GSK3B: variants seen among roughly 807,000 people sequenced by gnomAD.
GSK3B encodes glycogen synthase kinase 3 beta, also known as glycogen synthase kinase-3 beta.
A neutral mutation model predicts 56.4 loss-of-function variants in GSK3B; 15 were observed. The ratio of observed to expected loss-of-function variants is 0.27; its 90% CI spans 0.18 to 0.41. GSK3B has a LOEUF of 0.41. Among genes scored for constraint, GSK3B ranks in the 10% least tolerant of loss-of-function variants. The probability of loss-of-function intolerance (pLI) is 1.00; values close to 1 mark genes in which losing one functional copy is unlikely to be tolerated. For synonymous variants in GSK3B, 181 were observed against 188.9 expected (o/e 0.96, Z 0.34); for missense variants, 300 against 513.4 (o/e 0.58, Z 4.02).
chr3:119,830,786 A>T (rs78156708), intron 10 of GSK3B, among the ~76,000 whole-genome samples: 523 of 152,334 alleles, frequency 3.4e-3, no homozygotes, highest in Non-Finnish European at 5.7e-3. Context: ...GTGATTTTGG[A>T]ACACGTTATT....
In GSK3B at chr3:119,873,288, T is replaced by C. The variant is rs1236853020; in HGVS notation, c.909+3125A>G. 3.3e-5 allele frequency among the ~76,000 whole-genome samples: 5 copies of C among 152,138 alleles called. No individual in the cohort carries two copies. The East Asian group carries it at 9.6e-4, about 29-fold the overall frequency. On this transcript the variant is annotated intron_variant, in intron 8 of 10. Coordinates refer to ENST00000264235, the MANE Select transcript of GSK3B (RefSeq NM_001146156.2). ...ACACCTGTATCCCCTTACCTCAATG[T>C]TTCCACAAAAGACATTTTCTCTTTT...
intron 1 of GSK3B, among the ~76,000 whole-genome samples, chr3:120,084,888 T>G (rs923667281): frequency 3.3e-5 from 5 of 152,164 alleles, no homozygotes; most frequent in African/African-American, 1.2e-4. Flanking sequence ...TTTTCTAGAG[T>G]TACTGATTTA....
chr3:120,084,030 A>T (rs2058443616), intron 1 of GSK3B, among the ~76,000 whole-genome samples: 1 of 152,192 alleles, frequency 6.6e-6, no homozygotes, highest in African/African-American at 2.4e-5. Flanking sequence ...TGAAATGATA[A>T]AAGTGCTCTA....
intron 2 of GSK3B, among the ~76,000 whole-genome samples, chr3:119,957,814 C>G (rs752134177): frequency 1.6e-4 from 25 of 152,170 alleles, no homozygotes; most frequent in Non-Finnish European, 3.1e-4. Context: ...ATTCCATGCT[C>G]TATCACAATG....
chr3:120,063,337 A>C (rs1483441879), intron 1 of GSK3B, among the ~76,000 whole-genome samples: 2 of 152,226 alleles, frequency 1.3e-5, no homozygotes, highest in African/African-American at 4.8e-5. Flanking sequence ...AATATTTTAA[A>C]GTTTAAGTGC....
At position 119,980,056 on chromosome 3, in the gene GSK3B, T is replaced by C. The variant is rs535613540; in HGVS notation, c.282+21990A>G. Among the ~76,000 whole-genome samples, 6 of 152,290 alleles carry C rather than the reference T, an allele frequency of 3.9e-5. 1 individual carries two copies. Among genetic ancestry groups the C allele is most frequent in the South Asian group, 2.1e-4 (1 of 4,828 alleles). ...TCTGTGTGGCTATATATGTGTTGTC[T>C]GTGCAATGTCTATTAAAAGAGCTCT... On this transcript the variant is annotated intron_variant, in intron 2 of 10. Transcript: ENST00000264235.
At position 119,823,363 on chromosome 3, in the gene GSK3B, T is replaced by C. The variant is rs2055444768; in HGVS notation, c.*3425A>G. ...CCCTTGTTAAAACAACAGTCCTCTA[T>C]TGGCACGGTGGCACTCCGTGCAGTA... is the stretch of plus-strand genomic sequence containing the variant. On this transcript the variant is annotated 3_prime_UTR_variant, in exon 11 of 11. Transcript: ENST00000264235. The C allele has an allele frequency of 4.9e-6, 1 of 203,206 alleles. No individual in the cohort carries two copies. Among genetic ancestry groups the C allele is most frequent in the Non-Finnish European group, 1.0e-5 (1 of 99,064 alleles). 12.6% of individuals were successfully genotyped at this position (203,206 alleles called of 1,614,324 possible).
intron 10 of GSK3B, among the ~76,000 whole-genome samples, chr3:119,828,586 A>G (rs1324301540): frequency 2.0e-5 from 3 of 152,202 alleles, no homozygotes; most frequent in Admixed American, 1.3e-4. Context: ...GAGTAGAATA[A>G]CCAATGTCAT....
At chr3:120,068,702 A>T (rs937243843) in intron 1 of GSK3B, among the ~76,000 whole-genome samples, 1 of 151,782 alleles carries the variant, frequency 6.6e-6, no homozygotes, top group African/African-American at 2.4e-5. Context: ...CCTGTCTCAA[A>T]AAATAAATAA....
chr3:120,034,872 G>T (rs1408105563), intron 1 of GSK3B, among the ~76,000 whole-genome samples: 2 of 152,086 alleles, frequency 1.3e-5, no homozygotes, highest in Non-Finnish European at 1.5e-5. Flanking sequence ...GCCAAGTAGG[G>T]CAGATCACTT....
At chr3:120,017,380 G>C (rs1228944502) in intron 1 of GSK3B, among the ~76,000 whole-genome samples, 1 of 152,092 alleles carries the variant, frequency 6.6e-6, no homozygotes, top group Admixed American at 6.6e-5. Context: ...TACCAGATCA[G>C]TGCTCTAAAT....
intron 3 of GSK3B, among the ~76,000 whole-genome samples, chr3:119,942,501 C>G (rs1576217514): frequency 6.6e-6 from 1 of 151,956 alleles, no homozygotes; most frequent in African/African-American, 2.4e-5. Context: ...GGTTTCACTA[C>G]GTTGGCCAAG....
At chr3:119,967,758 C>A (rs543322680) in intron 2 of GSK3B, among the ~76,000 whole-genome samples, 2 of 151,678 alleles carry the variant, frequency 1.3e-5, no homozygotes. Context: ...CTCCCCTCCC[C>A]TCCTTTTCTT....
At chr3:120,001,948 G>A in intron 2 of GSK3B, 98 bp downstream of exon 2, 2 of 754,398 alleles carry the variant, frequency 2.7e-6, no homozygotes, top group Non-Finnish European at 4.1e-6. Flanking sequence ...GCGCACAATA[G>A]AAGAAATTTG....
intron 1 of GSK3B, among the ~76,000 whole-genome samples, chr3:120,031,609 A>C (rs1225902939): frequency 6.6e-6 from 1 of 152,202 alleles, no homozygotes; most frequent in Admixed American, 6.5e-5. Flanking sequence ...AACACTTAAC[A>C]ACAAGCACAG....
intron 6 of GSK3B, among the ~76,000 whole-genome samples, chr3:119,910,884 A>G (rs1187149714): frequency 6.6e-6 from 1 of 152,188 alleles, no homozygotes; most frequent in East Asian, 1.9e-4. Flanking sequence ...GCTCATCCAT[A>G]AAAGAAGCAA....
chr3:119,888,432 T>C (rs1353509568), intron 7 of GSK3B, among the ~76,000 whole-genome samples: 1 of 151,748 alleles, frequency 6.6e-6, no homozygotes, highest in East Asian at 1.9e-4. Flanking sequence ...TATGGACATT[T>C]ATCAGTTCCC....
intron 5 of GSK3B, 147 bp from the exon 6 acceptor site, chr3:119,912,957 A>G: frequency 2.2e-6 from 1 of 453,086 alleles, no homozygotes; most frequent in Non-Finnish European, 4.0e-6. Context: ...TGTAAACTGT[A>G]ACTATCTCTA....
At position 120,093,375 on chromosome 3, in the gene GSK3B, A is replaced by C; in HGVS notation, c.60T>G (p.Pro20=). 6.2e-7 allele frequency: 1 copy of C among 1,613,586 alleles called. No individual in the cohort carries two copies. The highest frequency in any genetic ancestry group is 8.5e-7 in the Non-Finnish European group (1 of 1,179,468). Residue 20 remains proline (P), a synonymous_variant, in exon 1 of 11, where the codon CCT becomes CCG. Transcript: ENST00000264235. ...FAESCKPVQQ[P]SAFGSMKVSR... ...TAACTTTCATGCTGCCAAAAGCTGA[A>C]GGCTGCTGCACCGGCTTGCAGCTCT...
Sources: allele counts gnomAD v4.1 joint callset (sites outside exome capture counted in the v4.1 genomes callset), GRCh38; gene constraint gnomAD v4.1.1; transcripts MANE v1.5; gene names NCBI Gene and HGNC (gene_info 2026-07-23, HGNC 2026-07-21).